Variants in MAP3K7CL observed in about 807,000 individuals in gnomAD.
The protein encoded by MAP3K7CL is MAP3K7 C-terminal-like protein.
A neutral mutation model predicts 18.6 loss-of-function variants in MAP3K7CL; 16 were observed. The ratio of observed to expected loss-of-function variants is 0.86; its 90% CI spans 0.58 to 1.31. MAP3K7CL has a LOEUF of 1.31. Among genes scored for constraint, MAP3K7CL ranks in the 50% most tolerant of loss-of-function variants. The probability of loss-of-function intolerance (pLI) is 0.00; values close to 1 mark genes in which losing one functional copy is unlikely to be tolerated. For missense variants in MAP3K7CL, 163 were observed against 174.4 expected (o/e 0.93, Z 0.37); for synonymous variants, 65 against 66.8 (o/e 0.97, Z 0.13).
At chr21:29,149,291 G>C in intron 3 of MAP3K7CL, 41 bp downstream of exon 3, 2 of 1,571,550 alleles carry the variant, frequency 1.3e-6, no homozygotes, top group Non-Finnish European at 1.8e-6. Context: ...CCTCCTTAGT[G>C]TCATAAAGTA....
At chr21:29,104,185 C>T (rs933119589) in intron 4 of MAP3K7CL, among the ~76,000 whole-genome samples, 1 of 152,212 alleles carries the variant, frequency 6.6e-6, no homozygotes, top group Admixed American at 6.5e-5. Flanking sequence ...CTCTGCTGCT[C>T]AAAGGGTGGT....
rs140286184 is a variant in MAP3K7CL, at chr21:29,095,411, C to T, written c.370+2830C>T. On this transcript the variant is annotated intron_variant, in intron 4 of 6. Transcript: ENST00000286791. ...TGCCTGTTCTGCATGTCATCTGATC[C>T]TCACCTAGAGCTGTTCCAGGGGGAT... Among the ~76,000 whole-genome samples the T allele has an allele frequency of 3.0e-3, 454 of 152,274 alleles. 1 individual carries two copies. The highest frequency in any genetic ancestry group is 0.01 in the African/African-American group (432 of 41,558).
chr21:29,105,936 TA>T (rs1280276031), intron 4 of MAP3K7CL, among the ~76,000 whole-genome samples: 5 of 152,150 alleles, frequency 3.3e-5, no homozygotes, highest in African/African-American at 1.2e-4. Context: ...TTGCTGAAGG[TA>T]GCTCTACAAA....
At chr21:29,114,648 C>T (rs1041115824) in intron 4 of MAP3K7CL, among the ~76,000 whole-genome samples, 3 of 152,174 alleles carry the variant, frequency 2.0e-5, no homozygotes, top group Non-Finnish European at 4.4e-5. Flanking sequence ...GCCTTGGCTT[C>T]CCAAAGTGCT....
intron 4 of MAP3K7CL, among the ~76,000 whole-genome samples, chr21:29,105,990 T>G (rs751511813): frequency 6.6e-6 from 1 of 152,124 alleles, no homozygotes; most frequent in Admixed American, 6.6e-5. Context: ...GGCCTTTTCT[T>G]CACAAAATTG....
intron 4 of MAP3K7CL, among the ~76,000 whole-genome samples, chr21:29,170,719 A>C (rs1488985801): frequency 2.0e-5 from 3 of 150,126 alleles, no homozygotes; most frequent in African/African-American, 7.4e-5. Flanking sequence ...GGCTCACTGC[A>C]GCTCCACCTC....
intron 3 of MAP3K7CL, among the ~76,000 whole-genome samples, chr21:29,157,810 G>A (rs62222424): frequency 0.14 from 20,678 of 152,088 alleles, 2,292 homozygotes; most frequent in African/African-American, 0.3. Flanking sequence ...GGCAGGGAAG[G>A]CCTCTCCCTT....
At chr21:29,147,036 C>T (rs2087142678) in intron 2 of MAP3K7CL, among the ~76,000 whole-genome samples, 1 of 151,822 alleles carries the variant, frequency 6.6e-6, no homozygotes, top group African/African-American at 2.4e-5. Flanking sequence ...AGAACACCAA[C>T]AAGTTTTTAT....
chr21:29,126,424 A>G (rs1160251452), upstream of MAP3K7CL, among the ~76,000 whole-genome samples: 1 of 152,104 alleles, frequency 6.6e-6, no homozygotes, highest in African/African-American at 2.4e-5. Context: ...AAGAGCTCAT[A>G]AGTGTAAAAT....
intron 1 of MAP3K7CL, among the ~76,000 whole-genome samples, chr21:29,086,097 A>G (rs920001587): frequency 6.6e-6 from 1 of 152,198 alleles, no homozygotes; most frequent in Non-Finnish European, 1.5e-5. Context: ...TAAGGTGCTG[A>G]TTGAAACTCT....
chr21:29,115,072 T>C (rs755632897), intron 4 of MAP3K7CL, among the ~76,000 whole-genome samples: 3 of 152,198 alleles, frequency 2.0e-5, no homozygotes, highest in Non-Finnish European at 4.4e-5. Flanking sequence ...TGGGCTGTTT[T>C]CACGTCTATA....
At chr21:29,139,592 CT>C (rs962060207) in intron 2 of MAP3K7CL, among the ~76,000 whole-genome samples, 61 of 149,448 alleles carry the variant, frequency 4.1e-4, no homozygotes, top group African/African-American at 3.9e-4. Flanking sequence ...CCCCTCTCTT[CT>C]TTTTTTTTTG....
chr21:29,113,146 T>A (rs543424784), intron 4 of MAP3K7CL, among the ~76,000 whole-genome samples: 20 of 152,378 alleles, frequency 1.3e-4, no homozygotes, highest in African/African-American at 4.8e-4. Flanking sequence ...CCTTGGAATT[T>A]CATTATGATT....
At chr21:29,080,956 A>T (rs571636667), upstream of MAP3K7CL, among the ~76,000 whole-genome samples, 1 of 152,190 alleles carries the variant, frequency 6.6e-6, no homozygotes, top group South Asian at 2.1e-4. Context: ...TCAGAATCTT[A>T]CCAAATCCAG....
chr21:29,100,143 G>C (rs1165664462), intron 4 of MAP3K7CL, among the ~76,000 whole-genome samples: 5 of 151,374 alleles, frequency 3.3e-5, no homozygotes, highest in African/African-American at 9.7e-5. Flanking sequence ...TCCTCTGAGC[G>C]GCAGCCCGAA....
At chr21:29,102,252 G>A (rs2086242730) in intron 4 of MAP3K7CL, among the ~76,000 whole-genome samples, 1 of 152,184 alleles carries the variant, frequency 6.6e-6, no homozygotes, top group Non-Finnish European at 1.5e-5. Context: ...CTTGTGCAGT[G>A]CACAAAAGGT....
intron 3 of MAP3K7CL, among the ~76,000 whole-genome samples, chr21:29,157,487 A>T (rs2087435498): frequency 6.6e-6 from 1 of 152,212 alleles, no homozygotes; most frequent in Non-Finnish European, 1.5e-5. Context: ...TGACCCCTGG[A>T]ATCTTTGTAC....
At chr21:29,084,013 T>A (rs925935517), upstream of MAP3K7CL, among the ~76,000 whole-genome samples, 3 of 148,016 alleles carry the variant, frequency 2.0e-5, no homozygotes, top group South Asian at 4.2e-4. Context: ...ATGTATATAT[T>A]TTATGACATA....
At chr21:29,127,618 T>C (rs1363451568), upstream of MAP3K7CL, 1 of 121,794 alleles carries the variant, frequency 8.2e-6, no homozygotes, top group Non-Finnish European at 1.9e-5. Flanking sequence ...TTAGACAATT[T>C]AGATGTATTT....
Sources: allele counts gnomAD v4.1 joint callset (sites outside exome capture counted in the v4.1 genomes callset), GRCh38; gene constraint gnomAD v4.1.1; transcripts MANE v1.5; gene names NCBI Gene and HGNC (gene_info 2026-07-23, HGNC 2026-07-21).